Variants in SLC2A9 observed in about 807,000 individuals in gnomAD.
SLC2A9 encodes solute carrier family 2 member 9, also known as solute carrier family 2, facilitated glucose transporter member 9.
Under a neutral mutation model 50.6 loss-of-function variants are expected in SLC2A9, and 39 were observed. The ratio of observed to expected loss-of-function variants is 0.77; its 90% confidence interval spans 0.60 to 1.01. The LOEUF (loss-of-function observed/expected upper bound fraction) is 1.01, where lower values mean the gene tolerates loss of function less well. SLC2A9 is among the 50% of genes least tolerant of loss of function. The pLI is 0.00. For synonymous variants in SLC2A9, 324 were observed against 276.9 expected (o/e 1.17, Z -1.69); for missense variants, 686 against 677.6 (o/e 1.01, Z -0.14).
At chr4:9,828,908 CAGTAGATGCTCTGAGTATCTT>C (rs1460294994) in intron 11 of SLC2A9, among the ~76,000 whole-genome samples, 1 of 152,104 alleles carries the variant, frequency 6.6e-6, no homozygotes, top group East Asian at 1.9e-4. Context: ...CTCTGATATA[CAGTAGATGCTCTGAGTATCTT>C]AGTGAGTGGA....
chr4:9,914,090 C>T (rs1331925991), intron 7 of SLC2A9, among the ~76,000 whole-genome samples: 1 of 152,172 alleles, frequency 6.6e-6, no homozygotes, highest in Non-Finnish European at 1.5e-5. Context: ...CTATGAGTGG[C>T]AGAGCTGAGA....
chr4:10,019,132 A>T, intron 1 of SLC2A9, 59 bp from the exon 2 acceptor site: 3 of 1,401,798 alleles, frequency 2.1e-6, no homozygotes, highest in Non-Finnish European at 3.0e-6. Flanking sequence ...GGGCCGAGGG[A>T]AGACCTGGAA....
chr4:9,825,676 T>C (rs773144548), downstream of SLC2A9, among the ~76,000 whole-genome samples: 19 of 152,220 alleles, frequency 1.2e-4, no homozygotes, highest in Non-Finnish European at 2.1e-4. Flanking sequence ...CTTCATGTTC[T>C]CTGTGAGCAC....
chr4:9,987,185 T>A (rs1483770449), intron 3 of SLC2A9, among the ~76,000 whole-genome samples: 1 of 152,236 alleles, frequency 6.6e-6, no homozygotes, highest in East Asian at 1.9e-4. Context: ...ATTGGCACAA[T>A]CTCTGCTCAC....
intron 6 of SLC2A9, among the ~76,000 whole-genome samples, chr4:9,929,691 G>A (rs1175052780): frequency 2.0e-5 from 3 of 152,154 alleles, no homozygotes; most frequent in Non-Finnish European, 4.4e-5. Context: ...TTCAGCAGGG[G>A]AGCGGAGGAG....
chr4:9,862,358 T>C (rs1731789840), intron 10 of SLC2A9, among the ~76,000 whole-genome samples: 1 of 152,098 alleles, frequency 6.6e-6, no homozygotes, highest in Non-Finnish European at 1.5e-5. Context: ...TCTTGTTGCT[T>C]CTTTCAACAT....
At chr4:10,031,413 G>A (rs1015022316) in intron 1 of SLC2A9, among the ~76,000 whole-genome samples, 4 of 152,236 alleles carry the variant, frequency 2.6e-5, no homozygotes, top group African/African-American at 9.6e-5. Flanking sequence ...ATTATTTACG[G>A]ATCCAATCGA....
chr4:9,899,627 G>A (rs1739225416), intron 8 of SLC2A9, among the ~76,000 whole-genome samples: 1 of 152,156 alleles, frequency 6.6e-6, no homozygotes, highest in Non-Finnish European at 1.5e-5. Context: ...ACTTTTTTGG[G>A]AATTTCTGCT....
chr4:9,872,655 A>C (rs760089164), intron 10 of SLC2A9, among the ~76,000 whole-genome samples: 6 of 152,262 alleles, frequency 3.9e-5, no homozygotes, highest in Non-Finnish European at 8.8e-5. Flanking sequence ...ATTTTATGCC[A>C]CTTGGCTGAG....
chr4:9,819,819 A>G (rs1173801509), intron 3 of SLC2A9, among the ~76,000 whole-genome samples: 2 of 152,224 alleles, frequency 1.3e-5, no homozygotes, highest in Non-Finnish European at 2.9e-5. Context: ...CTGTAATCCT[A>G]GCTACTTGGG....
chr4:9,968,707 GT>G (rs1468506962), intron 5 of SLC2A9, among the ~76,000 whole-genome samples: 2 of 152,152 alleles, frequency 1.3e-5, no homozygotes, highest in Non-Finnish European at 2.9e-5. Context: ...TTTTCATCAG[GT>G]TGTCTAAACA....
intron 5 of SLC2A9, among the ~76,000 whole-genome samples, chr4:9,967,517 T>C (rs1272286892): frequency 6.6e-6 from 1 of 151,922 alleles, no homozygotes; most frequent in Non-Finnish European, 1.5e-5. Flanking sequence ...ATGTAAAATG[T>C]ACCAAAAAAG....
intron 10 of SLC2A9, among the ~76,000 whole-genome samples, chr4:9,839,594 G>C (rs2109197952): frequency 6.6e-6 from 1 of 152,164 alleles, no homozygotes; most frequent in East Asian, 1.9e-4. Flanking sequence ...ATCAATGATA[G>C]ACTGGATAAA....
chr4:9,914,749 G>T (rs1293394030), intron 7 of SLC2A9, among the ~76,000 whole-genome samples: 1 of 152,110 alleles, frequency 6.6e-6, no homozygotes, highest in Non-Finnish European at 1.5e-5. Context: ...CCCCGGCCTT[G>T]CTTTATATCC....
intron 5 of SLC2A9, among the ~76,000 whole-genome samples, chr4:9,954,970 T>C (rs992864925): frequency 3.3e-5 from 5 of 152,172 alleles, no homozygotes; most frequent in South Asian, 2.1e-4. Flanking sequence ...GGCTCAAGCA[T>C]ATGCACGAAG....
chr4:9,783,413 G>A (rs1718788825), intron 3 of SLC2A9: 1 of 1,613,976 alleles, frequency 6.2e-7, no homozygotes, highest in Non-Finnish European at 8.5e-7. Context: ...CTGCGAGGGG[G>A]AGATTTCTTT....
At chr4:10,029,594 A>ATTATT (rs370612199) in intron 1 of SLC2A9, among the ~76,000 whole-genome samples, 7 of 129,816 alleles carry the variant, frequency 5.4e-5, no homozygotes, top group East Asian at 4.4e-4. Flanking sequence ...TTTATTTTAT[A>ATTATT]TTATTTTATT....
At chr4:9,872,583 T>C (rs1204690099) in intron 10 of SLC2A9, among the ~76,000 whole-genome samples, 1 of 152,234 alleles carries the variant, frequency 6.6e-6, no homozygotes, top group Non-Finnish European at 1.5e-5. Flanking sequence ...TGCATAAATT[T>C]CTGGAATAAA....
chr4:9,854,651 T>C (rs1730461865), intron 10 of SLC2A9, among the ~76,000 whole-genome samples: 1 of 151,974 alleles, frequency 6.6e-6, no homozygotes, highest in African/African-American at 2.4e-5. Context: ...CAGAGACACA[T>C]ACATACACAA....
Sources: allele counts gnomAD v4.1 joint callset (sites outside exome capture counted in the v4.1 genomes callset), GRCh38; gene constraint gnomAD v4.1.1; transcripts MANE v1.5; gene names NCBI Gene and HGNC (gene_info 2026-07-23, HGNC 2026-07-21).